GRID1: variants seen among roughly 807,000 people sequenced by gnomAD.
GRID1 encodes glutamate ionotropic receptor delta type subunit 1, also known as glutamate receptor ionotropic, delta-1.
GRID1 carries 28 observed loss-of-function variants against 98.0 expected under a neutral mutation model. The observed-to-expected ratio is 0.29, with a 90% CI of 0.21 to 0.39. GRID1 has a LOEUF of 0.39. GRID1 is among the 10% of genes least tolerant of loss of function. The probability of loss-of-function intolerance (pLI) is 1.00; values close to 1 mark genes in which losing one functional copy is unlikely to be tolerated. For synonymous variants in GRID1, 553 were observed against 538.5 expected (o/e 1.03, Z -0.37); for missense variants, 1,111 against 1,340.5 (o/e 0.83, Z 2.67).
intron 2 of GRID1, among the ~76,000 whole-genome samples, chr10:86,273,898 CAGA>C: frequency 6.6e-6 from 1 of 151,940 alleles, no homozygotes; most frequent in South Asian, 2.1e-4. Context: ...TTTTGCTGTG[CAGA>C]AGCTCTTTAG....
chr10:86,140,826 C>A (rs1194827040), intron 3 of GRID1, among the ~76,000 whole-genome samples: 9 of 152,250 alleles, frequency 5.9e-5, no homozygotes, highest in Non-Finnish European at 1.3e-4. Context: ...AACCACACTT[C>A]CTGTGCAGGC....
At chr10:85,709,083 C>A (rs1005380045) in intron 12 of GRID1, 1 of 334,246 alleles carries the variant, frequency 3.0e-6, no homozygotes, top group Admixed American at 3.5e-5. Context: ...TTATTGAAAA[C>A]CCCTGTTAAG....
chr10:86,328,741 CTA>C (rs1848092468), intron 2 of GRID1, among the ~76,000 whole-genome samples: 1 of 152,172 alleles, frequency 6.6e-6, no homozygotes, highest in African/African-American at 2.4e-5. Context: ...CCTTGGAACT[CTA>C]TGTGTGCTTG....
rs202246059 is a variant in GRID1 at position 85,602,411 on chromosome 10, C to T, written c.2892G>A (p.Met964Ile). Residue 964 changes from methionine (M) to isoleucine (I), a missense_variant, in exon 16 of 16, where the codon ATG becomes ATA. Met to Ile is a conservative substitution (Grantham distance 10). Coordinates refer to ENST00000327946, the MANE Select transcript of GRID1 (RefSeq NM_017551.3). ...PLSSSATMPS[M>I]QCKHRSPNGG... is the part of the protein sequence containing the mutation. Reference sequence around the variant, plus strand: ...CGTTGGGTGACCTGTGTTTGCACTGCATGGAGGGCATGGTCGCCGAGCTGC... The same window carrying T: ...CGTTGGGTGACCTGTGTTTGCACTGTATGGAGGGCATGGTCGCCGAGCTGC... 3 of 1,613,852 alleles carry T rather than the reference C, an allele frequency of 1.9e-6. No individual in the cohort carries two copies. In the Admixed American group the frequency reaches 5.0e-5, roughly 27 times the overall value.
rs138938146 is a variant in GRID1, at chr10:86,085,594, A to G, written c.726+53225T>C. On this transcript the variant is annotated intron_variant, in intron 4 of 15. Coordinates refer to ENST00000327946, the MANE Select transcript of GRID1 (RefSeq NM_017551.3). Reference sequence around the variant, plus strand: ...TGCCTGACCCCTAGGAACAAAGTAAATAAAGTTGAGTCTTCTCACAGAATG... The same window carrying G: ...TGCCTGACCCCTAGGAACAAAGTAAGTAAAGTTGAGTCTTCTCACAGAATG... Among the ~76,000 whole-genome samples, 5 of 152,228 alleles carry G rather than the reference A, an allele frequency of 3.3e-5. No homozygotes were observed. In the East Asian group the frequency reaches 9.7e-4, roughly 29 times the overall value.
intron 2 of GRID1, among the ~76,000 whole-genome samples, chr10:86,216,854 G>A (rs1390872872): frequency 2.0e-5 from 3 of 152,170 alleles, no homozygotes; most frequent in Admixed American, 6.5e-5. Context: ...ATAGACTAAG[G>A]GGGAAAGAAA....
chr10:85,829,987 G>A (rs1296435107), intron 8 of GRID1, among the ~76,000 whole-genome samples: 1 of 152,074 alleles, frequency 6.6e-6, no homozygotes, highest in Non-Finnish European at 1.5e-5. Flanking sequence ...ACCAAAAAGA[G>A]CCCAAATAAC....
chr10:85,623,117 T>C (rs906301727), intron 13 of GRID1, among the ~76,000 whole-genome samples: 5 of 152,190 alleles, frequency 3.3e-5, no homozygotes, highest in Non-Finnish European at 7.4e-5. Flanking sequence ...ATCCTAGAGC[T>C]TCCTCAGCCT....
chr10:85,706,405 G>A (rs558447542), intron 12 of GRID1, among the ~76,000 whole-genome samples: 2 of 152,236 alleles, frequency 1.3e-5, no homozygotes, highest in African/African-American at 4.8e-5. Context: ...CAACTTACAA[G>A]GGATGTGAAG....
intron 4 of GRID1, among the ~76,000 whole-genome samples, chr10:86,062,203 C>T (rs1259107240): frequency 7.2e-5 from 11 of 152,198 alleles, no homozygotes; most frequent in African/African-American, 2.7e-4. Flanking sequence ...CAGAGAATGG[C>T]TTTCTGGCTC....
chr10:85,606,519 T>C (rs1842666390), intron 15 of GRID1: 1 of 152,210 alleles, frequency 6.6e-6, no homozygotes, highest in African/African-American at 2.4e-5. Context: ...ACTCCTATCT[T>C]TCCTGGAAAA....
At chr10:85,776,938 G>A (rs1192572430) in intron 8 of GRID1, among the ~76,000 whole-genome samples, 5 of 152,216 alleles carry the variant, frequency 3.3e-5, no homozygotes, top group African/African-American at 4.8e-5. Context: ...TGAGAGGCTA[G>A]CAAAGAAATG....
At chr10:85,902,131 C>T (rs1841397446) in intron 5 of GRID1, among the ~76,000 whole-genome samples, 1 of 152,170 alleles carries the variant, frequency 6.6e-6, no homozygotes, top group African/African-American at 2.4e-5. Flanking sequence ...AAGCAGCTCC[C>T]TCTTATCCTC....
At chr10:86,230,178 C>T (rs1224042362) in intron 2 of GRID1, among the ~76,000 whole-genome samples, 2 of 152,260 alleles carry the variant, frequency 1.3e-5, no homozygotes, top group African/African-American at 4.8e-5. Flanking sequence ...CTAAACCTGG[C>T]TTCAGGCCCT....
chr10:86,240,590 C>T (rs12570855), intron 2 of GRID1, among the ~76,000 whole-genome samples: 5,208 of 34,756 alleles, frequency 0.15, 91 homozygotes, highest in South Asian at 0.28. Context: ...GTGGGTGCGG[C>T]GGGGGCGGGG....
At chr10:85,742,275 G>T (rs1841951699) in intron 8 of GRID1, among the ~76,000 whole-genome samples, 1 of 151,874 alleles carries the variant, frequency 6.6e-6, no homozygotes, top group Non-Finnish European at 1.5e-5. Context: ...TTACCATACA[G>T]TAAATATTTT....
chr10:86,191,752 G>A lies in GRID1; in HGVS notation c.520+14612C>T, dbSNP rs559996869. Among the ~76,000 whole-genome samples, 241 of 152,180 alleles carry A rather than the reference G, an allele frequency of 1.6e-3. 2 individuals carry two copies. The Middle Eastern group carries it at 0.027, about 17-fold the overall frequency. On this transcript the variant is annotated intron_variant, in intron 3 of 15. Coordinates refer to ENST00000327946, the MANE Select transcript of GRID1 (RefSeq NM_017551.3). ...TCTCCCATTCATCCCTCGAGCCCTGGGAGTCACTCCAGCCCTGCCCAGTTG... is the reference window on the plus strand; with the variant it reads ...TCTCCCATTCATCCCTCGAGCCCTGAGAGTCACTCCAGCCCTGCCCAGTTG...
intron 2 of GRID1, among the ~76,000 whole-genome samples, chr10:86,329,687 A>C (rs549351140): frequency 6.6e-6 from 1 of 152,172 alleles, no homozygotes; most frequent in African/African-American, 2.4e-5. Context: ...GGTCCCAGAC[A>C]CAAAGTCTCA....
intron 4 of GRID1, among the ~76,000 whole-genome samples, chr10:85,937,504 T>C (rs1261456662): frequency 6.6e-6 from 1 of 152,224 alleles, no homozygotes; most frequent in African/African-American, 2.4e-5. Context: ...CTGTCTCATC[T>C]CAGTCTTATG....
Sources: gnomAD v4.1 joint callset for allele counts (sites outside exome capture counted in the v4.1 genomes callset) on GRCh38, gnomAD v4.1.1 for gene constraint, MANE v1.5 for transcripts, NCBI Gene and HGNC (gene_info 2026-07-23, HGNC 2026-07-21) for gene names.